Variants in KDM4C observed in about 807,000 individuals in gnomAD.
KDM4C encodes lysine demethylase 4C.
Under a neutral mutation model 129.3 loss-of-function variants are expected in KDM4C, and 81 were observed. The observed-to-expected ratio is 0.63, with a 90% confidence interval of 0.52 to 0.75. KDM4C has a LOEUF of 0.75. KDM4C is among the 30% of genes least tolerant of loss of function. KDM4C has a pLI of 0.00. For synonymous variants in KDM4C, 573 were observed against 456.1 expected, an observed-to-expected ratio of 1.26 and a Z score of -3.26; for missense variants, 1,457 against 1,304.0, an observed-to-expected ratio of 1.12 and a Z score of -1.81.
At chr9:6,835,061 C>T in intron 4 of KDM4C, 1 of 958,510 alleles carries the variant, frequency 1.0e-6, no homozygotes, top group Non-Finnish European at 1.7e-6. Context: ...ACCACCACGG[C>T]TGAGTGGGAT....
At chr9:6,833,339 A>G (rs558119548) in intron 4 of KDM4C, among the ~76,000 whole-genome samples, 1 of 151,908 alleles carries the variant, frequency 6.6e-6, no homozygotes, top group Non-Finnish European at 1.5e-5. Flanking sequence ...GGAGTCTTTT[A>G]AAAAAAATAG....
chr9:6,873,655 T>C (rs1330332789), intron 5 of KDM4C, among the ~76,000 whole-genome samples: 1 of 152,230 alleles, frequency 6.6e-6, no homozygotes, highest in Admixed American at 6.5e-5. Context: ...TTTAAGGAAA[T>C]GTTGCTGGTT....
chr9:7,145,082 T>G (rs1282400873), intron 19 of KDM4C, among the ~76,000 whole-genome samples: 2 of 152,036 alleles, frequency 1.3e-5, no homozygotes, highest in African/African-American at 4.8e-5. Flanking sequence ...GAGAATAAGG[T>G]GGTGCTGCAT....
chr9:6,886,481 T>G (rs919755118), intron 6 of KDM4C, among the ~76,000 whole-genome samples: 47 of 146,586 alleles, frequency 3.2e-4, no homozygotes, highest in African/African-American at 9.7e-4. Flanking sequence ...CCCGCCTAAT[T>G]TTTTTTTTTC....
At chr9:7,174,261 A>T (rs1045462478) in intron 21 of KDM4C, among the ~76,000 whole-genome samples, 11 of 28,670 alleles carry the variant, frequency 3.8e-4, no homozygotes, top group Admixed American at 2.6e-4. Flanking sequence ...CAGAGGGGAG[A>T]TGAAAAATGA....
chr9:6,986,361 A>C lies in KDM4C; in HGVS notation c.1372A>C (p.Thr458Pro). 1.2e-6 allele frequency: 2 copies of C among 1,609,154 alleles called. No homozygotes were observed. Among genetic ancestry groups the C allele is most frequent in the Non-Finnish European group, 1.7e-6 (2 of 1,175,976 alleles). Residue 458 changes from threonine to proline, a missense_variant, in exon 11 of 22, where the codon ACA (threonine) becomes CCA (proline). Physicochemically the swap from Thr to Pro is conservative, Grantham distance 38 (BLOSUM62 -1). Coordinates refer to ENST00000381309, the MANE Select transcript of KDM4C (RefSeq NM_015061.6). ...ATCCTCAGGAAACAGCTGCTTAAGT[A>C]CATCTGTAACAGAAGACATAAAAAC... is the stretch of plus-strand genomic sequence containing the variant. ...IKLSGNSCLSTSVTEDIKTED... is the reference protein window; with the variant it reads ...IKLSGNSCLSPSVTEDIKTED...
chr9:7,068,977 G>A (rs534386977), intron 17 of KDM4C, among the ~76,000 whole-genome samples: 5 of 152,050 alleles, frequency 3.3e-5, no homozygotes, highest in Admixed American at 6.5e-5. Flanking sequence ...GATTACAGGC[G>A]TGAGCCACCG....
intron 15 of KDM4C, among the ~76,000 whole-genome samples, chr9:7,031,148 TTATTTATTTATTTATTTATTTATG>T (rs1340299659): frequency 8.0e-6 from 1 of 124,526 alleles, no homozygotes; most frequent in African/African-American, 3.4e-5. Flanking sequence ...ATTTATTTAT[TTATTTATTTATTTATTTATTTATG>T]TATGTTTTGA....
intron 1 of KDM4C, among the ~76,000 whole-genome samples, chr9:6,741,296 G>T (rs886420022): frequency 2.6e-5 from 4 of 152,034 alleles, no homozygotes; most frequent in Admixed American, 2.0e-4. Context: ...TCAGGAGGCT[G>T]AGGCAGCAGA....
At chr9:7,096,180 A>G (rs548965971) in intron 17 of KDM4C, among the ~76,000 whole-genome samples, 1 of 152,080 alleles carries the variant, frequency 6.6e-6, no homozygotes, top group Non-Finnish European at 1.5e-5. Context: ...TAAGTGATTG[A>G]TTTTTTTTCA....
rs181165816 is a variant in KDM4C, at chr9:6,934,236, C to T, written c.921+41004C>T. ...GGGTCTCACGCCGGTAATCCTATCA[C>T]TTTGGGAGGCGGAGGCAGGCTGATC... On this transcript the variant is annotated intron_variant, in intron 8 of 21. Coordinates refer to ENST00000381309, the MANE Select transcript of KDM4C (RefSeq NM_015061.6). Among the ~76,000 whole-genome samples, 60 of 151,910 alleles carry T rather than the reference C, an allele frequency of 3.9e-4. No individual in the cohort carries two copies. The East Asian group carries it at 9.8e-3, about 25-fold the overall frequency.
At chr9:6,744,860 T>G (rs1422958627) in intron 1 of KDM4C, among the ~76,000 whole-genome samples, 21 of 133,878 alleles carry the variant, frequency 1.6e-4, no homozygotes, top group African/African-American at 3.2e-4. Flanking sequence ...AGGTGGGGGG[T>G]GGGGAGAGCA....
chr9:6,818,484 G>C (rs749493937), intron 4 of KDM4C, among the ~76,000 whole-genome samples: 5 of 152,232 alleles, frequency 3.3e-5, no homozygotes, highest in Non-Finnish European at 7.3e-5. Context: ...GAGAGGCCAA[G>C]AGCAGGTTCT....
chr9:6,772,009 C>G (rs545611237), intron 1 of KDM4C, among the ~76,000 whole-genome samples: 7 of 152,200 alleles, frequency 4.6e-5, no homozygotes, highest in African/African-American at 1.7e-4. Flanking sequence ...ACTTAACACT[C>G]CTGTGAAATG....
chr9:6,896,490 A>T (rs185733857), intron 8 of KDM4C, among the ~76,000 whole-genome samples: 314 of 149,556 alleles, frequency 2.1e-3, no homozygotes, highest in African/African-American at 5.0e-3. Flanking sequence ...TATATATATA[A>T]AAATATAATT....
intron 18 of KDM4C, among the ~76,000 whole-genome samples, chr9:7,127,184 A>G (rs982081541): frequency 1.3e-4 from 20 of 152,202 alleles, no homozygotes; most frequent in Non-Finnish European, 2.5e-4. Context: ...TGCAGTAAAG[A>G]TTATGCACAA....
At chr9:7,173,461 G>A (rs1845156553) in intron 21 of KDM4C, among the ~76,000 whole-genome samples, 1 of 152,142 alleles carries the variant, frequency 6.6e-6, no homozygotes, top group East Asian at 1.9e-4. Flanking sequence ...ACAAGCAAGG[G>A]CATATGATCA....
intron 19 of KDM4C, among the ~76,000 whole-genome samples, chr9:7,151,494 A>G (rs1842725576): frequency 6.6e-6 from 1 of 152,068 alleles, no homozygotes; most frequent in African/African-American, 2.4e-5. Context: ...TGGGCAACAT[A>G]GCAAGACCTC....
intron 4 of KDM4C, chr9:6,834,800 C>T (rs1212907721): frequency 2.5e-5 from 34 of 1,364,506 alleles, no homozygotes; most frequent in Middle Eastern, 1.8e-4. Flanking sequence ...CAAGGCCAGC[C>T]GCGAGAAGAT....
Sources: allele counts gnomAD v4.1 joint callset (sites outside exome capture counted in the v4.1 genomes callset), GRCh38; gene constraint gnomAD v4.1.1; transcripts MANE v1.5; gene names NCBI Gene and HGNC (gene_info 2026-07-23, HGNC 2026-07-21).